The following OVCH1 variants were observed in gnomAD, a reference collection of about 807,000 sequenced individuals.
OVCH1 encodes the protein ovochymase-1.
In OVCH1, 139 loss-of-function variants were observed where a neutral mutation model predicts 138.4. That is an observed-to-expected ratio of 1.00 (90% confidence interval 0.87 to 1.16). OVCH1 has a LOEUF of 1.16. Ranked by LOEUF, OVCH1 falls within the 50% of genes most tolerant of loss-of-function variation. The probability of loss-of-function intolerance (pLI) is 0.00; values close to 1 mark genes in which losing one functional copy is unlikely to be tolerated. For synonymous variants in OVCH1, 453 were observed against 467.8 expected, an observed-to-expected ratio of 0.97 and a Z score of 0.41; for missense variants, 1,367 against 1,357.9, an observed-to-expected ratio of 1.01 and a Z score of -0.11.
intron 8 of OVCH1, among the ~76,000 whole-genome samples, chr12:29,483,567 T>C (rs755191807): frequency 2.2e-4 from 33 of 152,268 alleles, no homozygotes; most frequent in Non-Finnish European, 4.0e-4. Flanking sequence ...GAACTCAAGG[T>C]CCTCTGCAAT....
Position 29,443,388 on chromosome 12 carries a change from C to A in OVCH1, c.3130G>T (p.Gly1044Ter), listed in dbSNP as rs748656785. The stretch of plus-strand genomic sequence containing the variant: ...ATTAATTTTTTTCCTGGTCCAAATC[C>A]TTCGTAAACACGCAGATGACCATGA... Residue 1044 changes from glycine to a stop codon, truncating the protein, a stop_gained, in exon 25 of 28, where the codon GGA (glycine) becomes TGA (stop). Coordinates refer to ENST00000318184, the Ensembl canonical transcript of OVCH1. LOFTEE classifies it high-confidence loss of function. 2 of 1,611,174 alleles carry A rather than the reference C, an allele frequency of 1.2e-6. No homozygotes were observed. The highest frequency in any genetic ancestry group is 1.7e-6 in the Non-Finnish European group (2 of 1,178,356).
the OVCH1 span, among the ~76,000 whole-genome samples, chr12:29,404,914 C>T: frequency 0.26 from 38,254 of 149,988 alleles, 5,245 homozygotes; most frequent in Admixed American, 0.41. Context: ...TCCAGCTACT[C>T]GGGACGCTGA....
rs1388226866 is a variant in OVCH1 at position 29,444,254 on chromosome 12, G to GTT, written c.2907_2908insAA (p.Leu970AsnfsTer19). 1 of 1,612,166 alleles carries GTT rather than the reference G, an allele frequency of 6.2e-7. No individual in the cohort carries two copies. Among genetic ancestry groups the GTT allele is most frequent in the Admixed American group, 1.7e-5 (1 of 59,802 alleles). ...TGCTCTCTGTTTGAACTTTGGGAAA[G>GTT]TCTGGTTATTTTACTGTCCTTTGGA... On this transcript the variant is annotated frameshift_variant, in exon 24 of 28. Transcript: ENST00000318184. LOFTEE classifies it high-confidence loss of function.
At chr12:29,443,523 T>TC (rs2135924911) in intron 24 of OVCH1, 23 bp from the exon 25 acceptor site, 9 of 1,563,944 alleles carry the variant, frequency 5.8e-6, no homozygotes, top group Non-Finnish European at 7.8e-6. Flanking sequence ...TGAAACAAAG[T>TC]CAGAAATTAT....
At chr12:29,491,309 G>A in intron 4 of OVCH1, 117 bp from the exon 5 acceptor site, 1 of 866,844 alleles carries the variant, frequency 1.2e-6, no homozygotes, top group Admixed American at 2.9e-5. Flanking sequence ...ATGTAATGGT[G>A]ACATATTTTA....
In OVCH1 at chr12:29,494,747, G is replaced by A. The variant is rs73280518; in HGVS notation, c.454+538C>T. On this transcript the variant is annotated intron_variant, in intron 4 of 27. Coordinates refer to ENST00000318184, the Ensembl canonical transcript of OVCH1. ...ACAAATATCACATATTCTCCCTCAT[G>A]TGTGAGCTAAAATGCTGAATCTCAT... Among the ~76,000 whole-genome samples the A allele has an allele frequency of 8.0e-3, 1,219 of 152,226 alleles. 9 individuals are homozygous for A. Among genetic ancestry groups the A allele is most frequent in the African/African-American group, 0.028 (1,153 of 41,538 alleles).
chr12:29,425,780 TA>T (rs1158527991), downstream of OVCH1: 1 of 152,204 alleles, frequency 6.6e-6, no homozygotes, highest in Non-Finnish European at 1.5e-5. Context: ...AGTTATTAGA[TA>T]ATATTAAGCA....
chr12:29,496,499 C>G (rs1360951729), intron 2 of OVCH1, 57 bp downstream of exon 2: 1 of 1,453,628 alleles, frequency 6.9e-7, no homozygotes, highest in Non-Finnish European at 9.5e-7. Context: ...GCTTTCGAAA[C>G]AAAGGAAATA....
rs764832785 is a variant in OVCH1, at chr12:29,486,928, C to A, written c.893-580G>T. 1.8e-5 allele frequency: 8 copies of A among 455,782 alleles called. No homozygotes were observed. In the Admixed American group the frequency reaches 1.9e-4, roughly 11 times the overall value. 28.2% of individuals were successfully genotyped at this position (455,782 alleles called of 1,614,324 possible). A position where few individuals can be genotyped will look rare whatever the true frequency, so the allele number is the denominator to read the frequency against. On this transcript the variant is annotated intron_variant, in intron 7 of 27. Coordinates refer to ENST00000318184, the Ensembl canonical transcript of OVCH1. The stretch of plus-strand genomic sequence containing the variant: ...CAATTGCTACCAGAAGAGAACTGCT[C>A]CCCTGCAGTGGAGCAGTGAAGAGGC...
intron 25 of OVCH1, 73 bp from the exon 26 acceptor site, chr12:29,440,817 ACAG>A: frequency 2.3e-6 from 1 of 444,178 alleles, no homozygotes; most frequent in Non-Finnish European, 4.5e-6. Flanking sequence ...AATAAAAAAG[ACAG>A]CAGTTTAGCA....
At chr12:29,464,564 C>G in exon 18 of OVCH1, 1 of 1,613,628 alleles carries the variant, frequency 6.2e-7, no homozygotes, top group South Asian at 1.1e-5. Context: ...AATAGAGGCT[C>G]TGCGCTGTGT....
chr12:29,461,883 C>T (rs1336748497), exon 19 of OVCH1: 4 of 1,613,752 alleles, frequency 2.5e-6, no homozygotes, highest in Non-Finnish European at 3.4e-6. Flanking sequence ...CCAGATGCTG[C>T]AAAGCCAGCA....
At chr12:29,475,897 GAATT>G (rs1942691476) in intron 13 of OVCH1, among the ~76,000 whole-genome samples, 2 of 152,158 alleles carry the variant, frequency 1.3e-5, no homozygotes, top group Admixed American at 1.3e-4. Context: ...GCAACAGAAG[GAATT>G]AATACAGAAA....
intron 2 of OVCH1, 66 bp from the exon 3 acceptor site, chr12:29,496,344 C>T (rs1565619028): frequency 1.5e-6 from 2 of 1,333,392 alleles, no homozygotes; most frequent in African/African-American, 1.5e-5. Context: ...CCATCGGAAA[C>T]ACTGGAGATC....
the OVCH1 span, among the ~76,000 whole-genome samples, chr12:29,404,939 G>A: frequency 7.1e-6 from 1 of 140,632 alleles, no homozygotes; most frequent in African/African-American, 2.7e-5. Flanking sequence ...GGAGAATCAC[G>A]TGAACCCAGG....
chr12:29,482,053 T>A (rs1194041733), intron 8 of OVCH1, among the ~76,000 whole-genome samples: 4 of 152,196 alleles, frequency 2.6e-5, no homozygotes, highest in Non-Finnish European at 5.9e-5. Context: ...TGCAACCCAG[T>A]AATAAAAGTG....
intron 11 of OVCH1, 51 bp from the exon 12 acceptor site, chr12:29,477,283 C>T: frequency 1.2e-6 from 2 of 1,612,986 alleles, no homozygotes; most frequent in Admixed American, 3.3e-5. Flanking sequence ...ACATTTTCTC[C>T]TCTTCCCCAC....
chr12:29,486,470 G>A (rs1943110626), intron 7 of OVCH1, 122 bp from the exon 8 acceptor site: 1 of 768,514 alleles, frequency 1.3e-6, no homozygotes, highest in Admixed American at 3.0e-5. Flanking sequence ...CAATGCAGAG[G>A]GAATCTTTTC....
chr12:29,449,114 C>G (rs938704832), intron 22 of OVCH1, among the ~76,000 whole-genome samples: 1 of 152,082 alleles, frequency 6.6e-6, no homozygotes, highest in African/African-American at 2.4e-5. Context: ...ACTTTAAAAG[C>G]CTTTAATGTA....
Sources: gnomAD v4.1 joint callset for allele counts (sites outside exome capture counted in the v4.1 genomes callset) on GRCh38, gnomAD v4.1.1 for gene constraint, MANE v1.5 for transcripts, NCBI Gene and HGNC (gene_info 2026-07-23, HGNC 2026-07-21) for gene names.